SCUBE3: variants seen among roughly 807,000 people sequenced by gnomAD.
SCUBE3 encodes signal peptide, CUB and EGF-like domain-containing protein 3.
Under a neutral mutation model 116.8 loss-of-function variants are expected in SCUBE3, and 33 were observed. That is an observed-to-expected ratio of 0.28 (90% confidence interval 0.21 to 0.38). The LOEUF (loss-of-function observed/expected upper bound fraction) is 0.38. Among genes scored for constraint, SCUBE3 ranks in the 10% least tolerant of loss-of-function variants. The pLI is 1.00. For missense variants in SCUBE3, 1,007 were observed against 1,324.8 expected, an observed-to-expected ratio of 0.76 and a Z score of 3.72; for synonymous variants, 418 against 496.9, an observed-to-expected ratio of 0.84 and a Z score of 2.11.
chr6:35,234,570 T>G (rs1281240916), intron 6 of SCUBE3, among the ~76,000 whole-genome samples: 1 of 152,228 alleles, frequency 6.6e-6, no homozygotes, highest in Non-Finnish European at 1.5e-5. Flanking sequence ...CTCTTCTCAT[T>G]GCCTTCTTTG....
In SCUBE3 at chr6:35,243,678, G is replaced by T; in HGVS notation, c.1994G>T (p.Gly665Val). 6.2e-7 allele frequency: 1 copy of T among 1,613,962 alleles called. No individual in the cohort carries two copies. Among genetic ancestry groups the T allele is most frequent in the South Asian group, 1.1e-5 (1 of 91,082 alleles). The change falls in exon 16 of 22, where the codon GGG becomes GTG. Residue 665 changes from glycine to valine, a missense_variant. By Grantham distance (109) the Gly-to-Val change is moderately radical (BLOSUM62 -3). Coordinates refer to ENST00000274938, the MANE Select transcript of SCUBE3 (RefSeq NM_152753.4). The surrounding 1 kb of genome is among the most constrained non-coding windows in gnomAD (Gnocchi z 6.6). ...GCGGGCACCTTCCAGGAGAGAGAAG[G>T]GCAGCTCTCCTGCGACCTTTGCCCT... is the stretch of plus-strand genomic sequence containing the variant. ...CPAGTFQERE[G>V]QLSCDLCPGS... is the part of the protein sequence containing the mutation.
intron 7 of SCUBE3, among the ~76,000 whole-genome samples, chr6:35,238,895 G>C (rs979252801): frequency 1.3e-5 from 2 of 152,084 alleles, no homozygotes. Context: ...TGCGAGAGGA[G>C]GGGGGAGGCT....
At position 35,245,317 on chromosome 6, in the gene SCUBE3, A is replaced by G; in HGVS notation, c.2491A>G (p.Ile831Val). The G allele has an allele frequency of 6.2e-7, 1 of 1,614,160 alleles. No individual in the cohort carries two copies. The highest frequency in any genetic ancestry group is 8.5e-7 in the Non-Finnish European group (1 of 1,180,012). Residue 831 changes from isoleucine to valine, a missense_variant, in exon 19 of 22, where the codon ATC becomes GTC. Physicochemically the swap from Ile to Val is conservative, Grantham distance 29 (BLOSUM62 3). This residue lies in a region of SCUBE3 where 544 missense variants were observed against 638.9 expected (regional missense o/e 0.85). Transcript: ENST00000274938. The surrounding 1 kb of genome is among the most constrained non-coding windows in gnomAD (Gnocchi z 4.2). ...CAACTACCCAGCTGGTGTGGAGTGC[A>G]TCTGGAACATCAACCCCCCACCCAA... is the stretch of plus-strand genomic sequence containing the variant. ...PGNYPAGVEC[I>V]WNINPPPKRK... is the part of the protein sequence containing the mutation.
At chr6:35,238,728 A>C (rs921450395) in intron 7 of SCUBE3, among the ~76,000 whole-genome samples, 1 of 152,202 alleles carries the variant, frequency 6.6e-6, no homozygotes, top group South Asian at 2.1e-4. Context: ...CTTCCTTTTA[A>C]TTAGCCAGGT....
Position 35,245,330 on chromosome 6 carries a change from AC to A in SCUBE3, c.2510del (p.Pro837HisfsTer27), listed in dbSNP as rs765256475. 2 of 1,613,652 alleles carry A rather than the reference AC, an allele frequency of 1.2e-6. No homozygotes were observed. Among genetic ancestry groups the A allele is most frequent in the African/African-American group, 1.3e-5 (1 of 74,808 alleles). ...PAGVECIWNI[N>X]PPPKRKILIV... ...GGTGTGGAGTGCATCTGGAACATCAACCCCCCACCCAAGCGCAAGATCCTTA... is the reference window on the plus strand; with the variant it reads ...GGTGTGGAGTGCATCTGGAACATCAACCCCCACCCAAGCGCAAGATCCTTA... On this transcript the variant is annotated frameshift_variant, in exon 19 of 22. Coordinates refer to ENST00000274938, the MANE Select transcript of SCUBE3 (RefSeq NM_152753.4). LOFTEE classifies it high-confidence loss of function. This position sits in a 1 kb window ranked among gnomAD's most constrained non-coding sequence, Gnocchi z 4.2.
chr6:35,241,100 A>G lies in SCUBE3; in HGVS notation c.1070-41A>G, dbSNP rs1253335066. On this transcript the variant is annotated intron_variant, in intron 9 of 21. Coordinates refer to ENST00000274938, the MANE Select transcript of SCUBE3 (RefSeq NM_152753.4). This position sits in a 1 kb window ranked among gnomAD's most constrained non-coding sequence, Gnocchi z 4.1. Reference sequence around the variant, plus strand: ...TGCCTACTCTCCGGCTCCTCCTCCAACTCCATCGTTGTTTTTCTGTCTCCC... The same window carrying G: ...TGCCTACTCTCCGGCTCCTCCTCCAGCTCCATCGTTGTTTTTCTGTCTCCC... 1 of 1,558,378 alleles carries G rather than the reference A, an allele frequency of 6.4e-7. No homozygotes were observed. Among genetic ancestry groups the G allele is most frequent in the Non-Finnish European group, 8.7e-7 (1 of 1,143,630 alleles).
rs907524333 is a variant in SCUBE3 at position 35,252,231 on chromosome 6, C to T, written c.*3526C>T. ...GGAGTCAGAAGAAAACTGACCAGAT[C>T]CTGGATCTGAGCTGCCTGCTCCAGG... On this transcript the variant is annotated 3_prime_UTR_variant, in exon 22 of 22. Coordinates refer to ENST00000274938, the MANE Select transcript of SCUBE3 (RefSeq NM_152753.4). The T allele has an allele frequency of 6.6e-6, 1 of 152,336 alleles. No individual in the cohort carries two copies. The highest frequency in any genetic ancestry group is 1.5e-5 in the Non-Finnish European group (1 of 68,034). The allele number at this position is 152,336 out of a possible 1,614,324, so 9.4% of individuals were successfully genotyped here. A position where few individuals can be genotyped will look rare whatever the true frequency, so the allele number is the denominator to read the frequency against.
Position 35,241,774 on chromosome 6 carries a change from A to G in SCUBE3, c.1313-32A>G. ...TCCAGCCAGCGGGGGTTGGGAAGGC[A>G]GGTCAGAACTGTGACAGGCTCCTTT... is the stretch of plus-strand genomic sequence containing the variant. On this transcript the variant is annotated intron_variant, in intron 11 of 21. Transcript: ENST00000274938. The surrounding 1 kb of genome is among the most constrained non-coding windows in gnomAD (Gnocchi z 4.1). 1 of 1,571,262 alleles carries G rather than the reference A, an allele frequency of 6.4e-7. No homozygotes were observed.
chr6:35,225,944 CT>C (rs1388776163), intron 1 of SCUBE3, among the ~76,000 whole-genome samples: 1 of 152,220 alleles, frequency 6.6e-6, no homozygotes, highest in African/African-American at 2.4e-5. Flanking sequence ...ATCTCATCTC[CT>C]TTCTGTGCTC....
chr6:35,247,041 G>A (rs990529749), intron 21 of SCUBE3, among the ~76,000 whole-genome samples: 1 of 152,130 alleles, frequency 6.6e-6, no homozygotes, highest in Non-Finnish European at 1.5e-5. Context: ...ATCAATTTAT[G>A]TACAGACTTC....
chr6:35,237,580 GC>G (rs1009080492), intron 6 of SCUBE3, among the ~76,000 whole-genome samples: 122 of 150,770 alleles, frequency 8.1e-4, no homozygotes, highest in African/African-American at 2.9e-3. Context: ...CCTCCCTACT[GC>G]CCCCCGCCCC....
chr6:35,228,492 A>G lies in SCUBE3; in HGVS notation c.209-122A>G. 4 of 929,196 alleles carry G rather than the reference A, an allele frequency of 4.3e-6. No homozygotes were observed. Among genetic ancestry groups the G allele is most frequent in the Non-Finnish European group, 6.2e-6 (4 of 644,028 alleles). 57.6% of individuals were successfully genotyped at this position (929,196 alleles called of 1,614,324 possible). On this transcript the variant is annotated intron_variant, in intron 2 of 21. Transcript: ENST00000274938. The surrounding 1 kb of genome is among the most constrained non-coding windows in gnomAD (Gnocchi z 4.9). ...GACTTAGGTTTAAATGAAAACAGAA[A>G]AATGCTAAATGGCTTATAGGCCATG...
chr6:35,215,504 G>GA (rs1186280131), intron 1 of SCUBE3, among the ~76,000 whole-genome samples: 1 of 152,194 alleles, frequency 6.6e-6, no homozygotes, highest in Non-Finnish European at 1.5e-5. Context: ...TTTTGCCCAG[G>GA]AGAGTATGAT....
chr6:35,214,390 C>T lies in SCUBE3; in HGVS notation c.-29C>T, dbSNP rs891526940. ...CCTCCCCTGGCCGCGAGACCGGCCC[C>T]GGCGGCTGGGCCGCCAGTAGCTCCA... On this transcript the variant is annotated 5_prime_UTR_variant, in exon 1 of 22. Coordinates refer to ENST00000274938, the MANE Select transcript of SCUBE3 (RefSeq NM_152753.4). This position sits in a 1 kb window ranked among gnomAD's most constrained non-coding sequence, Gnocchi z 6.3. The T allele has an allele frequency of 8.6e-6, 12 of 1,398,618 alleles. No homozygotes were observed. In the African/African-American group the frequency reaches 1.2e-4, roughly 14 times the overall value. 86.6% of individuals were successfully genotyped at this position (1,398,618 alleles called of 1,614,324 possible).
rs1365586080 is a variant in SCUBE3, at chr6:35,243,429, G to A, written c.1910-165G>A. On this transcript the variant is annotated intron_variant, in intron 15 of 21. Coordinates refer to ENST00000274938, the MANE Select transcript of SCUBE3 (RefSeq NM_152753.4). This position sits in a 1 kb window ranked among gnomAD's most constrained non-coding sequence, Gnocchi z 6.6. ...GCCAGGTGGGGCCAGCAATCCTCCT[G>A]CACACGGTTTTGACCCTCCTATCCC... is the stretch of plus-strand genomic sequence containing the variant. 1.3e-5 allele frequency among the ~76,000 whole-genome samples: 2 copies of A among 152,142 alleles called. No homozygotes were observed. Among genetic ancestry groups the A allele is most frequent in the Non-Finnish European group, 2.9e-5 (2 of 68,024 alleles).
intron 1 of SCUBE3, chr6:35,224,665 T>G (rs1488360076): frequency 2.1e-5 from 3 of 142,138 alleles, no homozygotes; most frequent in Non-Finnish European, 4.5e-5. Context: ...AAGAATCTGC[T>G]GGGAGGCCTG....
At chr6:35,236,802 G>A (rs1325414351) in intron 6 of SCUBE3, among the ~76,000 whole-genome samples, 1 of 152,138 alleles carries the variant, frequency 6.6e-6, no homozygotes, top group Admixed American at 6.5e-5. Flanking sequence ...GGAGGTCTTG[G>A]GATTCTTTCT....
chr6:35,243,237 G>A lies in SCUBE3; in HGVS notation c.1909+1G>A, dbSNP rs1416144795. 7.4e-6 allele frequency: 12 copies of A among 1,612,890 alleles called. No individual in the cohort carries two copies. The highest frequency in any genetic ancestry group is 3.4e-6 in the Non-Finnish European group (4 of 1,179,460). ...CAGCACCGTGCTGGGACCAAGTGTG[G>A]TAAGGGAGCTTACTGGGGAGCAGGG... On this transcript the variant is annotated splice_donor_variant, in intron 15 of 21. Coordinates refer to ENST00000274938, the MANE Select transcript of SCUBE3 (RefSeq NM_152753.4). LOFTEE classifies it high-confidence loss of function. This position sits in a 1 kb window ranked among gnomAD's most constrained non-coding sequence, Gnocchi z 6.6.
Position 35,214,443 on chromosome 6 carries a change from C to A in SCUBE3, c.25C>A (p.Leu9Ile). The stretch of plus-strand genomic sequence containing the variant: ...CATGGGCTCGGGGCGCGTACCCGGG[C>A]TCTGCCTGCTTGTCCTGCTGGTCCA... MGSGRVPG[L>I]CLLVLLVHAR... The change falls in exon 1 of 22, where the codon CTC (leucine) becomes ATC (isoleucine). Residue 9 changes from leucine (L) to isoleucine (I), a missense_variant. By Grantham distance (5) the Leu-to-Ile change is conservative. Coordinates refer to ENST00000274938, the MANE Select transcript of SCUBE3 (RefSeq NM_152753.4). This position sits in a 1 kb window ranked among gnomAD's most constrained non-coding sequence, Gnocchi z 6.3. 2.7e-6 allele frequency: 4 copies of A among 1,492,646 alleles called. No individual in the cohort carries two copies. Among genetic ancestry groups the A allele is most frequent in the East Asian group, 2.8e-5 (1 of 35,130 alleles). The allele number at this position is 1,492,646 out of a possible 1,614,324, so 92.5% of individuals were successfully genotyped here. A position where few individuals can be genotyped will look rare whatever the true frequency, so the allele number is the denominator to read the frequency against.
Sources: gnomAD v4.1 joint callset for allele counts (sites outside exome capture counted in the v4.1 genomes callset) on GRCh38, gnomAD v4.1.1 for gene constraint, gnomAD v4.1.1 regional missense constraint, Gnocchi (gnomAD v3.1) non-coding constraint, MANE v1.5 for transcripts, NCBI Gene and HGNC (gene_info 2026-07-23, HGNC 2026-07-21) for gene names.